The following FLT3 variants were observed in gnomAD, a reference collection of about 807,000 sequenced individuals.
FLT3 encodes receptor-type tyrosine-protein kinase FLT3.
FLT3 carries 46 observed loss-of-function variants against 126.6 expected under a neutral mutation model. That is an observed-to-expected ratio of 0.36 (90% confidence interval 0.29 to 0.46). The LOEUF (loss-of-function observed/expected upper bound fraction) is 0.46, where lower values mean the gene tolerates loss of function less well. Ranked by LOEUF, FLT3 falls within the 20% of genes least tolerant of loss-of-function variation. The pLI is 1.00. For missense variants in FLT3, 1,069 were observed against 1,190.3 expected (o/e 0.90, Z 1.50); for synonymous variants, 404 against 434.4 (o/e 0.93, Z 0.87).
intron 20 of FLT3, among the ~76,000 whole-genome samples, chr13:28,017,268 G>T (rs1228914871): frequency 6.6e-6 from 1 of 152,160 alleles, no homozygotes; most frequent in African/African-American, 2.4e-5. Flanking sequence ...TGTTGCCCAG[G>T]CTGGAGTGCA....
rs772963831 is a variant in FLT3 at position 28,028,229 on chromosome 13, G to C, written c.2002C>G (p.Leu668Val). The C allele has an allele frequency of 1.9e-6, 3 of 1,612,546 alleles. No homozygotes were observed. Among genetic ancestry groups the C allele is most frequent in the Admixed American group, 1.7e-5 (1 of 60,012 alleles). Residue 668 changes from leucine to valine, a missense_variant, in exon 16 of 24, where the codon CTG becomes GTG. By Grantham distance (32) the Leu-to-Val change is conservative. Transcript: ENST00000241453. ...LMSELKMMTQLGSHENIVNLL... is the reference protein window; with the variant it reads ...LMSELKMMTQVGSHENIVNLL... Reference sequence around the variant, plus strand: ...TTCACAATATTCTCGTGGCTTCCCAGCTGGGTCATCATCTTGAGTTCTGAC... The same window carrying C: ...TTCACAATATTCTCGTGGCTTCCCACCTGGGTCATCATCTTGAGTTCTGAC...
At chr13:28,058,881 G>A (rs563226472) in intron 3 of FLT3, among the ~76,000 whole-genome samples, 36 of 152,326 alleles carry the variant, frequency 2.4e-4, no homozygotes, top group African/African-American at 6.7e-4. Context: ...GAGCCACCAC[G>A]TCTGCAGTCG....
chr13:28,030,209 A>G (rs1279727509), intron 15 of FLT3, among the ~76,000 whole-genome samples: 2 of 152,128 alleles, frequency 1.3e-5, no homozygotes, highest in South Asian at 2.1e-4. Flanking sequence ...CTTGTTTCCA[A>G]GATTTTAGCT....
intron 2 of FLT3, among the ~76,000 whole-genome samples, chr13:28,063,178 A>G (rs1566092020): frequency 6.6e-6 from 1 of 152,138 alleles, no homozygotes; most frequent in Non-Finnish European, 1.5e-5. Context: ...TGCCTGCTTT[A>G]AATAATTGAG....
chr13:28,067,434 A>G (rs9551434), intron 2 of FLT3, among the ~76,000 whole-genome samples: 27,521 of 152,052 alleles, frequency 0.18, 2,592 homozygotes, highest in Middle Eastern at 0.24. Flanking sequence ...GTACAGAGGC[A>G]GTGGGCTCCA....
chr13:28,018,984 T>G (rs1483437011), intron 19 of FLT3, among the ~76,000 whole-genome samples: 3 of 137,698 alleles, frequency 2.2e-5, no homozygotes, highest in East Asian at 2.0e-4. Context: ...TTTTTTTTTT[T>G]GAGACGGAGT....
At chr13:28,067,172 G>A (rs2096302302) in intron 2 of FLT3, among the ~76,000 whole-genome samples, 2 of 129,832 alleles carry the variant, frequency 1.5e-5, no homozygotes, top group African/African-American at 5.9e-5. Context: ...ACAGGCATGC[G>A]CCACCACGCC....
At chr13:28,014,172 C>T (rs912035050) in intron 23 of FLT3, among the ~76,000 whole-genome samples, 1 of 151,980 alleles carries the variant, frequency 6.6e-6, no homozygotes. Context: ...CTTGGAAGGC[C>T]GTGGCTGGAG....
At chr13:28,024,513 C>T (rs1872648692) in intron 18 of FLT3, among the ~76,000 whole-genome samples, 1 of 152,182 alleles carries the variant, frequency 6.6e-6, no homozygotes, top group African/African-American at 2.4e-5. Flanking sequence ...TTCTGGTGGT[C>T]ACATAACTTG....
chr13:28,021,646 T>C (rs986376953), intron 19 of FLT3, among the ~76,000 whole-genome samples: 27 of 152,270 alleles, frequency 1.8e-4, no homozygotes, highest in African/African-American at 6.5e-4. Flanking sequence ...AGTGCTATAG[T>C]CATAGCTCAT....
intron 2 of FLT3, among the ~76,000 whole-genome samples, chr13:28,068,997 G>A (rs142631850): frequency 2.3e-3 from 346 of 152,032 alleles, no homozygotes; most frequent in Non-Finnish European, 3.3e-3. Flanking sequence ...AAAACAAGAC[G>A]AACAGCGTAA....
intron 4 of FLT3, among the ~76,000 whole-genome samples, chr13:28,053,320 T>C (rs1377863276): frequency 6.6e-6 from 1 of 150,848 alleles, no homozygotes; most frequent in African/African-American, 2.4e-5. Context: ...TTTTTTTTTT[T>C]AAAGAAAGTT....
Position 28,050,200 on chromosome 13 carries a change from C to G in FLT3, c.637G>C (p.Val213Leu). The G allele has an allele frequency of 1.2e-6, 2 of 1,614,098 alleles. No individual in the cohort carries two copies. The highest frequency in any genetic ancestry group is 1.7e-6 in the Non-Finnish European group (2 of 1,179,964). ...GESCKEESPA[V>L]VKKEEKVLHE... ...AGCACTTTTTCCTCCTTTTTAACAA[C>G]AGCTGGACTTTCTTCTTTACAGCTG... Residue 213 changes from valine (V) to leucine (L), a missense_variant, in exon 6 of 24, where the codon GTT becomes CTT. Coordinates refer to ENST00000241453, the MANE Select transcript of FLT3 (RefSeq NM_004119.3).
At chr13:28,036,097 C>T (rs974657315) in intron 10 of FLT3, 54 bp from the exon 11 acceptor site, 2 of 1,420,884 alleles carry the variant, frequency 1.4e-6, no homozygotes, top group African/African-American at 1.4e-5. Flanking sequence ...GTGGTTCACT[C>T]CTATAATACC....
At chr13:28,049,980 G>A (rs1875288125) in intron 6 of FLT3, 115 bp downstream of exon 6, 1 of 1,272,618 alleles carries the variant, frequency 7.9e-7, no homozygotes, top group South Asian at 1.4e-5. Context: ...ACTGTGACCT[G>A]AAGGAATGAT....
In FLT3 at chr13:28,003,910, C is replaced by T. The variant is rs926553532; in HGVS notation, c.*142G>A. The T allele has an allele frequency of 5.4e-6, 5 of 934,034 alleles. No individual in the cohort carries two copies. Among genetic ancestry groups the T allele is most frequent in the African/African-American group, 3.3e-5 (2 of 60,826 alleles). 57.9% of individuals were successfully genotyped at this position (934,034 alleles called of 1,614,324 possible). On this transcript the variant is annotated 3_prime_UTR_variant, in exon 24 of 24. Transcript: ENST00000241453. ...GTCCCTTTGAAAACAAGAGTAAACGCAGACAGCTTCTAGAGAAAAGTCTGG... is the reference window on the plus strand; with the variant it reads ...GTCCCTTTGAAAACAAGAGTAAACGTAGACAGCTTCTAGAGAAAAGTCTGG...
chr13:28,086,918 A>G (rs898134414), intron 1 of FLT3, among the ~76,000 whole-genome samples: 4 of 151,594 alleles, frequency 2.6e-5, no homozygotes, highest in African/African-American at 9.7e-5. Context: ...AAGTGCTAGG[A>G]TTGCAGGCAT....
Position 28,049,715 on chromosome 13 carries a change from AG to A in FLT3, c.801del (p.Leu268TyrfsTer3). 6.2e-7 allele frequency: 1 copy of A among 1,614,130 alleles called. No individual in the cohort carries two copies. The highest frequency in any genetic ancestry group is 8.5e-7 in the Non-Finnish European group (1 of 1,179,998). On this transcript the variant is annotated frameshift_variant, in exon 7 of 24. Coordinates refer to ENST00000241453, the MANE Select transcript of FLT3 (RefSeq NM_004119.3). LOFTEE classifies it high-confidence loss of function. ...TGAACAGCTTTGCACCTTATCCATAAGGGTTCCCCTACTTTAAGAAATAATT... is the reference window on the plus strand; with the variant it reads ...TGAACAGCTTTGCACCTTATCCATAAGGTTCCCCTACTTTAAGAAATAATT... ...LPQLFLKVGE[P>X]LWIRCKAVHV... is the part of the protein sequence containing the mutation.
At chr13:28,018,423 C>T (rs534122761) in intron 20 of FLT3, 44 bp downstream of exon 20, 57 of 1,608,830 alleles carry the variant, frequency 3.5e-5, no homozygotes, top group Middle Eastern at 1.6e-4. Context: ...AACGACACAA[C>T]ACAAAATAGC....
Sources: allele counts gnomAD v4.1 joint callset (sites outside exome capture counted in the v4.1 genomes callset), GRCh38; gene constraint gnomAD v4.1.1; transcripts MANE v1.5; gene names NCBI Gene and HGNC (gene_info 2026-07-23, HGNC 2026-07-21).